Variants in TRPM3 observed in about 807,000 individuals in gnomAD.
The protein encoded by TRPM3 is transient receptor potential cation channel subfamily M member 3.
A neutral mutation model predicts 181.2 loss-of-function variants in TRPM3; 77 were observed. That is an observed-to-expected ratio of 0.42 (90% CI 0.35 to 0.51). The LOEUF is 0.51. TRPM3 is among the 20% of genes least tolerant of loss of function. TRPM3 has a pLI of 0.01. For missense variants in TRPM3, 1,759 were observed against 2,196.7 expected (o/e 0.80, Z 3.98); for synonymous variants, 745 against 796.4 (o/e 0.94, Z 1.09).
chr9:71,443,395 T>C (rs955186658), intron 1 of TRPM3, among the ~76,000 whole-genome samples: 1 of 152,142 alleles, frequency 6.6e-6, no homozygotes, highest in African/African-American at 2.4e-5. Context: ...CCCACTATTG[T>C]GGTCCAGAAC....
At position 71,254,209 on chromosome 9, in the gene TRPM3, C is replaced by A. The variant is rs370877337; in HGVS notation, c.183+192444G>T. ...CTGGGATTACAGGCAAGAGCCACTG[C>A]GCCTGGCTGGATAACATTATTTTAA... is the stretch of plus-strand genomic sequence containing the variant. On this transcript the variant is annotated intron_variant, in intron 1 of 24. Coordinates refer to the TRPM3 transcript ENST00000357533. Among the ~76,000 whole-genome samples, 82 of 152,240 alleles carry A rather than the reference C, an allele frequency of 5.4e-4. 1 individual carries two copies. The South Asian group carries it at 0.016, about 30-fold the overall frequency.
chr9:70,860,713 A>G (rs530056655), intron 3 of TRPM3, among the ~76,000 whole-genome samples: 1 of 152,334 alleles, frequency 6.6e-6, no homozygotes, highest in East Asian at 1.9e-4. Flanking sequence ...GTGCATCCAA[A>G]TGAGTGTCTT....
At chr9:71,345,919 G>A (rs1237376284) in intron 1 of TRPM3, among the ~76,000 whole-genome samples, 1 of 152,148 alleles carries the variant, frequency 6.6e-6, no homozygotes, top group Non-Finnish European at 1.5e-5. Flanking sequence ...TAAAATATTG[G>A]CAGATGTGGA....
chr9:70,631,360 CCTTT>C (rs981049607), intron 12 of TRPM3, among the ~76,000 whole-genome samples: 2 of 127,222 alleles, frequency 1.6e-5, no homozygotes, highest in African/African-American at 6.6e-5. Flanking sequence ...GTCTGAAATG[CCTTT>C]TTTTTTTTTT....
At chr9:71,208,273 T>C (rs1380746297) in intron 1 of TRPM3, among the ~76,000 whole-genome samples, 1 of 152,164 alleles carries the variant, frequency 6.6e-6, no homozygotes, top group Non-Finnish European at 1.5e-5. Context: ...TAAAACGGTA[T>C]GTCTAGAGTA....
At chr9:71,157,322 T>C (rs76210618) in intron 1 of TRPM3, among the ~76,000 whole-genome samples, 2,929 of 152,288 alleles carry the variant, frequency 0.019, 93 homozygotes, top group African/African-American at 0.067. Context: ...CAGATTACCA[T>C]GAAGATGTCT....
At chr9:70,985,574 G>A (rs1350330527) in intron 1 of TRPM3, among the ~76,000 whole-genome samples, 1 of 152,090 alleles carries the variant, frequency 6.6e-6, no homozygotes, top group Non-Finnish European at 1.5e-5. Context: ...ATAATTAAAT[G>A]CTGTGTTTCT....
chr9:71,155,383 T>A (rs1175294764), intron 1 of TRPM3, among the ~76,000 whole-genome samples: 1 of 152,102 alleles, frequency 6.6e-6, no homozygotes, highest in Non-Finnish European at 1.5e-5. Flanking sequence ...AATGGTATGA[T>A]CTCAGCTCTC....
At chr9:70,860,247 T>C (rs1284885660) in intron 3 of TRPM3, among the ~76,000 whole-genome samples, 1 of 152,182 alleles carries the variant, frequency 6.6e-6, no homozygotes, top group East Asian at 1.9e-4. Context: ...CTAAGTTAAA[T>C]GGTTTAATCA....
intron 1 of TRPM3, among the ~76,000 whole-genome samples, chr9:71,398,859 A>G (rs1432585929): frequency 6.6e-6 from 1 of 152,230 alleles, no homozygotes; most frequent in Non-Finnish European, 1.5e-5. Context: ...TCGATAAGTA[A>G]CAATACAGTA....
chr9:70,535,174 C>A lies in TRPM3; in HGVS notation c.*779G>T. 3 of 422,294 alleles carry A rather than the reference C, an allele frequency of 7.1e-6. No individual in the cohort carries two copies. 26.2% of individuals were successfully genotyped at this position (422,294 alleles called of 1,614,324 possible). A position where few individuals can be genotyped will look rare whatever the true frequency, so the allele number is the denominator to read the frequency against. ...AGCTTGCTCGACTAGACTTGAACGCCCACTGTATATAATAAATCACTTGAC... is the reference window on the plus strand; with the variant it reads ...AGCTTGCTCGACTAGACTTGAACGCACACTGTATATAATAAATCACTTGAC... On this transcript the variant is annotated 3_prime_UTR_variant, in exon 26 of 26. Transcript: ENST00000677713.
chr9:71,338,586 A>G (rs1588562138), intron 1 of TRPM3, among the ~76,000 whole-genome samples: 1 of 152,148 alleles, frequency 6.6e-6, no homozygotes, highest in East Asian at 1.9e-4. Context: ...AGAGATGGGG[A>G]TCTCAGAAGA....
intron 1 of TRPM3, among the ~76,000 whole-genome samples, chr9:71,089,621 G>T (rs1331819259): frequency 1.3e-5 from 2 of 150,750 alleles, no homozygotes; most frequent in Admixed American, 6.6e-5. Context: ...AAATATCACA[G>T]ACATTTAGAA....
intron 1 of TRPM3, among the ~76,000 whole-genome samples, chr9:71,040,571 CA>C (rs1292944444): frequency 6.6e-6 from 1 of 152,160 alleles, no homozygotes; most frequent in Non-Finnish European, 1.5e-5. Flanking sequence ...AAAACATCAG[CA>C]TTTGGCAACC....
intron 9 of TRPM3, among the ~76,000 whole-genome samples, chr9:70,670,269 G>A (rs2134059613): frequency 6.6e-6 from 1 of 152,266 alleles, no homozygotes; most frequent in East Asian, 1.9e-4. Context: ...CAGTTTGGAG[G>A]TAAATTATCT....
At chr9:71,406,413 G>GGA (rs1486390623) in intron 1 of TRPM3, among the ~76,000 whole-genome samples, 2 of 152,158 alleles carry the variant, frequency 1.3e-5, no homozygotes, top group Non-Finnish European at 2.9e-5. Flanking sequence ...ACTTCCAAGT[G>GGA]GAGAGTCTGG....
At chr9:71,395,906 G>A (rs746324611) in intron 1 of TRPM3, among the ~76,000 whole-genome samples, 2 of 152,118 alleles carry the variant, frequency 1.3e-5, no homozygotes, top group Non-Finnish European at 2.9e-5. Context: ...TTTCTACTGG[G>A]TATGAATTTG....
At chr9:70,678,279 T>C (rs979121825) in intron 9 of TRPM3, among the ~76,000 whole-genome samples, 1 of 151,982 alleles carries the variant, frequency 6.6e-6, no homozygotes, top group African/African-American at 2.4e-5. Context: ...CTTTCTTTTC[T>C]TTTTTTTGGA....
At chr9:70,633,683 C>G (rs763268482) in intron 12 of TRPM3, among the ~76,000 whole-genome samples, 1 of 152,174 alleles carries the variant, frequency 6.6e-6, no homozygotes, top group Admixed American at 6.5e-5. Context: ...TTATAAGTAG[C>G]CCCAAGGCCT....
Sources: allele counts gnomAD v4.1 joint callset (sites outside exome capture counted in the v4.1 genomes callset), GRCh38; gene constraint gnomAD v4.1.1; transcripts MANE v1.5; gene names NCBI Gene and HGNC (gene_info 2026-07-23, HGNC 2026-07-21).